Variants in UGT1A5 observed in about 807,000 individuals in gnomAD.
UGT1A5 encodes UDP-glucuronosyltransferase 1A5.
Under a neutral mutation model 40.3 loss-of-function variants are expected in UGT1A5, and 29 were observed. The ratio of observed to expected loss-of-function variants is 0.72; its 90% CI spans 0.54 to 0.98. The LOEUF is 0.98. UGT1A5 is among the 50% of genes least tolerant of loss of function. The probability of loss-of-function intolerance (pLI) is 0.00; values close to 1 mark genes in which losing one functional copy is unlikely to be tolerated. For synonymous variants in UGT1A5, 257 were observed against 262.5 expected (o/e 0.98, Z 0.20); for missense variants, 678 against 677.9 (o/e 1.00, Z 0.00).
intron 4 of UGT1A5, among the ~76,000 whole-genome samples, chr2:233,768,674 C>T (rs1339439419): frequency 6.7e-6 from 1 of 148,950 alleles, no homozygotes; most frequent in Non-Finnish European, 1.5e-5. Context: ...GCAACCTCCA[C>T]CTCCCACGTT....
chr2:233,754,865 T>C, intron 1 of UGT1A5: 1 of 1,351,074 alleles, frequency 7.4e-7, no homozygotes, highest in Non-Finnish European at 9.9e-7. Flanking sequence ...GTGCAGACCC[T>C]CTGCTTCTGC....
intron 1 of UGT1A5, 135 bp downstream of exon 1, chr2:233,713,993 T>C: frequency 6.4e-7 from 1 of 1,564,404 alleles, no homozygotes; most frequent in Non-Finnish European, 8.7e-7. Context: ...TGTAATAGTC[T>C]TCAGTGAGAT....
At chr2:233,717,004 T>C (rs549183573) in intron 1 of UGT1A5, among the ~76,000 whole-genome samples, 2 of 152,292 alleles carry the variant, frequency 1.3e-5, no homozygotes, top group East Asian at 1.9e-4. Context: ...AGGGCCCCTA[T>C]GTCTCTGAAG....
At chr2:233,732,983 C>T (rs930118681) in intron 1 of UGT1A5, among the ~76,000 whole-genome samples, 9 of 152,090 alleles carry the variant, frequency 5.9e-5, no homozygotes, top group South Asian at 2.1e-4. Flanking sequence ...TCTTTTATTT[C>T]GTTGAGCAGT....
intron 1 of UGT1A5, among the ~76,000 whole-genome samples, chr2:233,740,474 C>T (rs1003783592): frequency 2.0e-5 from 3 of 151,920 alleles, no homozygotes; most frequent in African/African-American, 7.3e-5. Context: ...CAGAAAGGAT[C>T]ATTCCCTCTT....
Position 233,769,714 on chromosome 2 carries a change from G to C in UGT1A5, c.1307+1275G>C. On this transcript the variant is annotated intron_variant, in intron 4 of 4. Coordinates refer to ENST00000373414, the MANE Select transcript of UGT1A5 (RefSeq NM_019078.2). This position sits in a 1 kb window ranked among gnomAD's most constrained non-coding sequence, Gnocchi z 4.4. ...TGGATAAAAGATCAATGTTGGCTAG[G>C]CACCATGGCACACGCCTGTAGTCCC... 6.7e-7 allele frequency: 1 copy of C among 1,497,244 alleles called. No homozygotes were observed. Among genetic ancestry groups the C allele is most frequent in the Non-Finnish European group, 8.9e-7 (1 of 1,121,796 alleles). The allele number at this position is 1,497,244 out of a possible 1,614,324, so 92.7% of individuals were successfully genotyped here. A position where few individuals can be genotyped will look rare whatever the true frequency, so the allele number is the denominator to read the frequency against.
chr2:233,732,182 G>A (rs1190810291), intron 1 of UGT1A5, among the ~76,000 whole-genome samples: 1 of 152,108 alleles, frequency 6.6e-6, no homozygotes, highest in Non-Finnish European at 1.5e-5. Flanking sequence ...TGTAGATTCT[G>A]GATATTAGCC....
Position 233,772,709 on chromosome 2 carries a change from TAAATAA to T in UGT1A5, c.*157_*162del. ...CCCAGAGTGCTTTAAAAAATTCTCT[TAAATAA>T]AAATAATAGACTCGCTAGTCAGTAA... On this transcript the variant is annotated 3_prime_UTR_variant, in exon 5 of 5. Coordinates refer to ENST00000373414, the MANE Select transcript of UGT1A5 (RefSeq NM_019078.2). 1 of 1,467,584 alleles carries T rather than the reference TAAATAA, an allele frequency of 6.8e-7. No individual in the cohort carries two copies. Among genetic ancestry groups the T allele is most frequent in the Non-Finnish European group, 9.0e-7 (1 of 1,115,204 alleles). 90.9% of individuals were successfully genotyped at this position (1,467,584 alleles called of 1,614,324 possible).
chr2:233,761,218 C>T (rs1697719268), intron 1 of UGT1A5: 4 of 1,613,576 alleles, frequency 2.5e-6, no homozygotes, highest in Middle Eastern at 1.6e-4. Flanking sequence ...GATCGATTAA[C>T]TAGCCCCAGA....
intron 1 of UGT1A5, among the ~76,000 whole-genome samples, chr2:233,724,528 C>T (rs1239231307): frequency 1.8e-5 from 2 of 112,842 alleles, no homozygotes; most frequent in Admixed American, 1.7e-4. Flanking sequence ...GATGGGGTCT[C>T]GCCGGGCAGA....
At chr2:233,750,986 G>A (rs1230774000) in intron 1 of UGT1A5, among the ~76,000 whole-genome samples, 5 of 151,784 alleles carry the variant, frequency 3.3e-5, no homozygotes, top group African/African-American at 1.2e-4. Context: ...TTGTGAGAAG[G>A]CGGCCACCAT....
At chr2:233,718,734 T>C (rs2076679363) in intron 1 of UGT1A5, 3 of 1,611,626 alleles carry the variant, frequency 1.9e-6, no homozygotes, top group Non-Finnish European at 2.5e-6. Context: ...GCTAGGTGGC[T>C]CAATGACAAG....
intron 1 of UGT1A5, chr2:233,754,837 T>G (rs1695606156): frequency 1.5e-6 from 2 of 1,344,356 alleles, no homozygotes; most frequent in South Asian, 2.3e-5. Flanking sequence ...GGAAATTCAC[T>G]GAAGGCAGAG....
chr2:233,737,006 T>G (rs924545231), intron 1 of UGT1A5, among the ~76,000 whole-genome samples: 1 of 152,144 alleles, frequency 6.6e-6, no homozygotes, highest in African/African-American at 2.4e-5. Flanking sequence ...GGGACCCGCT[T>G]GAGGAGGCAG....
At chr2:233,766,582 G>A (rs1699191924) in intron 1 of UGT1A5, among the ~76,000 whole-genome samples, 1 of 152,174 alleles carries the variant, frequency 6.6e-6, no homozygotes, top group South Asian at 2.1e-4. Context: ...GTCTGGGGGT[G>A]GAGCCCTCGC....
At chr2:233,754,986 T>A (rs1394613146) in intron 1 of UGT1A5, 2 of 1,295,836 alleles carry the variant, frequency 1.5e-6, no homozygotes, top group Non-Finnish European at 2.1e-6. Flanking sequence ...CTCGGCGGGG[T>A]CACGGAAGCT....
chr2:233,729,337 G>C (rs775234844), intron 1 of UGT1A5: 11 of 1,614,232 alleles, frequency 6.8e-6, no homozygotes, highest in African/African-American at 5.3e-5. Context: ...GCACATCAAA[G>C]AAGAGAACTT....
At chr2:233,725,976 G>T (rs553044783) in intron 1 of UGT1A5, among the ~76,000 whole-genome samples, 1 of 152,162 alleles carries the variant, frequency 6.6e-6, no homozygotes, top group Non-Finnish European at 1.5e-5. Flanking sequence ...GAGCAGCCTG[G>T]GAAACGTGCT....
chr2:233,773,166 A>T lies in UGT1A5; in HGVS notation c.*607A>T, dbSNP rs1365431114. ...ATTGGTGGGTGGTGTATTTGAGAAGATAATCATTGCTTATGTCAAATGGAG... is the reference window on the plus strand; with the variant it reads ...ATTGGTGGGTGGTGTATTTGAGAAGTTAATCATTGCTTATGTCAAATGGAG... On this transcript the variant is annotated 3_prime_UTR_variant, in exon 5 of 5. Transcript: ENST00000373414. The T allele has an allele frequency of 6.5e-6, 1 of 153,410 alleles. No individual in the cohort carries two copies. Among genetic ancestry groups the T allele is most frequent in the Non-Finnish European group, 1.5e-5 (1 of 68,794 alleles). The allele number at this position is 153,410 out of a possible 1,614,324, so 9.5% of individuals were successfully genotyped here.
Sources: allele counts gnomAD v4.1 joint callset (sites outside exome capture counted in the v4.1 genomes callset), GRCh38; gene constraint gnomAD v4.1.1; non-coding constraint Gnocchi (gnomAD v3.1); transcripts MANE v1.5; gene names NCBI Gene and HGNC (gene_info 2026-07-23, HGNC 2026-07-21).